Variants in TAFA1 observed in about 807,000 individuals in gnomAD.
TAFA1 encodes TAFA chemokine like family member 1.
In TAFA1, 4 loss-of-function variants were observed where a neutral mutation model predicts 18.5. The observed-to-expected ratio is 0.22, with a 90% CI of 0.11 to 0.49. The LOEUF (loss-of-function observed/expected upper bound fraction) is 0.49. TAFA1 is among the 20% of genes least tolerant of loss of function. The pLI is 0.98. For missense variants in TAFA1, 147 were observed against 169.0 expected (o/e 0.87, Z 0.72); for synonymous variants, 56 against 55.2 (o/e 1.01, Z -0.06).
intron 2 of TAFA1, among the ~76,000 whole-genome samples, chr3:68,409,018 A>C (rs887010208): frequency 6.6e-6 from 1 of 152,180 alleles, no homozygotes; most frequent in Admixed American, 6.6e-5. Flanking sequence ...AAAATCATGC[A>C]CACTATAAAT....
chr3:68,220,361 A>G (rs753134268), intron 2 of TAFA1, among the ~76,000 whole-genome samples: 2 of 152,180 alleles, frequency 1.3e-5, no homozygotes, highest in Non-Finnish European at 2.9e-5. Flanking sequence ...AATCTCACAG[A>G]TAAGGGGGCA....
intron 3 of TAFA1, among the ~76,000 whole-genome samples, chr3:68,535,372 T>A (rs1458596310): frequency 6.6e-6 from 1 of 150,814 alleles, no homozygotes; most frequent in Non-Finnish European, 1.5e-5. Context: ...TACAGAGCAC[T>A]GCCATCAAAA....
chr3:68,055,595 T>C (rs1019802697), intron 2 of TAFA1, among the ~76,000 whole-genome samples: 6 of 152,038 alleles, frequency 3.9e-5, no homozygotes, highest in African/African-American at 1.2e-4. Flanking sequence ...AAGGCAAGTA[T>C]CATCTCCCAA....
At position 68,209,739 on chromosome 3, in the gene TAFA1, A is replaced by G. The variant is rs2066572598; in HGVS notation, c.118+202995A>G. Among the ~76,000 whole-genome samples the G allele has an allele frequency of 2.0e-5, 3 of 151,852 alleles. No homozygotes were observed. The South Asian group carries it at 6.2e-4, about 32-fold the overall frequency. ...AACATTACTAAAACTTTTTTTCATT[A>G]TATTGTTCATGTTTGCTGTTAAGTT... On this transcript the variant is annotated intron_variant, in intron 2 of 4. Transcript: ENST00000478136.
intron 2 of TAFA1, among the ~76,000 whole-genome samples, chr3:68,090,624 A>G (rs1180272166): frequency 6.6e-6 from 1 of 152,132 alleles, no homozygotes; most frequent in Admixed American, 6.5e-5. Flanking sequence ...TTCCTTGTTC[A>G]ATGTTGGCTG....
At chr3:68,053,605 T>C (rs148116334) in intron 2 of TAFA1, among the ~76,000 whole-genome samples, 155 of 152,256 alleles carry the variant, frequency 1.0e-3, no homozygotes, top group African/African-American at 3.5e-3. Context: ...TCACAGTAAT[T>C]TGTGGGATGT....
chr3:68,358,551 T>A (rs1012976894), intron 2 of TAFA1, among the ~76,000 whole-genome samples: 4 of 151,888 alleles, frequency 2.6e-5, no homozygotes, highest in Non-Finnish European at 2.9e-5. Flanking sequence ...TTTAAATGGT[T>A]ACATATTATT....
intron 2 of TAFA1, among the ~76,000 whole-genome samples, chr3:68,409,231 C>T (rs1183584065): frequency 3.3e-5 from 5 of 152,100 alleles, no homozygotes; most frequent in Admixed American, 2.6e-4. Flanking sequence ...TTTCTTCTTT[C>T]CCGGAAAGTC....
At chr3:68,003,580 T>C (rs1032502784), upstream of TAFA1, among the ~76,000 whole-genome samples, 4 of 152,310 alleles carry the variant, frequency 2.6e-5, no homozygotes, top group East Asian at 1.9e-4. Context: ...GTATTCATCA[T>C]TGAAATTTAG....
At chr3:68,375,860 A>G (rs542865942) in intron 2 of TAFA1, among the ~76,000 whole-genome samples, 18 of 152,200 alleles carry the variant, frequency 1.2e-4, no homozygotes, top group Non-Finnish European at 2.5e-4. Flanking sequence ...ATGGAGGGGA[A>G]AGAAAACCTC....
chr3:68,399,385 A>G (rs1160597151), intron 2 of TAFA1, among the ~76,000 whole-genome samples: 3 of 152,104 alleles, frequency 2.0e-5, no homozygotes, highest in Non-Finnish European at 4.4e-5. Context: ...GTTATTTGGG[A>G]TTTCTTTACA....
intron 2 of TAFA1, among the ~76,000 whole-genome samples, chr3:68,084,031 G>C (rs1440378613): frequency 1.3e-5 from 2 of 152,210 alleles, no homozygotes; most frequent in African/African-American, 4.8e-5. Flanking sequence ...TCCTCTGTAA[G>C]CAATGCTATT....
At chr3:68,466,382 T>C (rs1039807190) in intron 3 of TAFA1, among the ~76,000 whole-genome samples, 1 of 152,148 alleles carries the variant, frequency 6.6e-6, no homozygotes, top group Non-Finnish European at 1.5e-5. Flanking sequence ...GGTCAGAAGA[T>C]TGTTTATTCT....
chr3:68,518,443 G>C lies in TAFA1; in HGVS notation c.260-20313G>C, dbSNP rs1000459712. On this transcript the variant is annotated intron_variant, in intron 3 of 4. Transcript: ENST00000478136. ...TAAGCTGATAGTTTTTTAAGGATAT[G>C]CACTGAAATTTATTAAATTTGTCCT... 3.9e-5 allele frequency among the ~76,000 whole-genome samples: 6 copies of C among 152,228 alleles called. No homozygotes were observed. The East Asian group carries it at 1.2e-3, about 29-fold the overall frequency.
At chr3:68,426,343 C>T (rs1027892229) in intron 3 of TAFA1, among the ~76,000 whole-genome samples, 2 of 149,768 alleles carry the variant, frequency 1.3e-5, no homozygotes, top group Non-Finnish European at 2.9e-5. Flanking sequence ...TCTACACATC[C>T]TTACAGAAAA....
intron 2 of TAFA1, among the ~76,000 whole-genome samples, chr3:68,139,483 G>T (rs1017926354): frequency 6.6e-6 from 1 of 152,086 alleles, no homozygotes; most frequent in Admixed American, 6.6e-5. Flanking sequence ...GGCACAGTGG[G>T]TCTTGTTATA....
chr3:68,225,433 T>C (rs1209346183), intron 2 of TAFA1, among the ~76,000 whole-genome samples: 2 of 152,088 alleles, frequency 1.3e-5, no homozygotes, highest in Non-Finnish European at 2.9e-5. Flanking sequence ...TCAAAATAAA[T>C]TACCTAATAA....
intron 3 of TAFA1, among the ~76,000 whole-genome samples, chr3:68,451,069 T>C (rs2071559988): frequency 6.6e-6 from 1 of 152,214 alleles, no homozygotes. Context: ...GCTCTTGACT[T>C]CATTACTATG....
intron 2 of TAFA1, among the ~76,000 whole-genome samples, chr3:68,262,819 A>C (rs546356757): frequency 1.3e-5 from 2 of 152,284 alleles, no homozygotes; most frequent in South Asian, 2.1e-4. Context: ...TGTTGGGTCA[A>C]ATAGTAGCTG....
Sources: gnomAD v4.1 joint callset for allele counts (sites outside exome capture counted in the v4.1 genomes callset) on GRCh38, gnomAD v4.1.1 for gene constraint, MANE v1.5 for transcripts, NCBI Gene and HGNC (gene_info 2026-07-23, HGNC 2026-07-21) for gene names.